KIAA1217: variants seen among roughly 807,000 people sequenced by gnomAD.
The protein encoded by KIAA1217 is KIAA1217.
Under a neutral mutation model 163.9 loss-of-function variants are expected in KIAA1217, and 88 were observed. The observed-to-expected ratio is 0.54, with a 90% CI of 0.45 to 0.64. The LOEUF (loss-of-function observed/expected upper bound fraction) is 0.64, where lower values mean the gene tolerates loss of function less well. Ranked by LOEUF, KIAA1217 falls within the 30% of genes least tolerant of loss-of-function variation. KIAA1217 has a pLI of 0.00. For missense variants in KIAA1217, 2,372 were observed against 2,475.0 expected (o/e 0.96, Z 0.88); for synonymous variants, 903 against 923.1 (o/e 0.98, Z 0.39).
At chr10:24,385,042 G>A (rs1034177195) in intron 3 of KIAA1217, among the ~76,000 whole-genome samples, 3 of 152,170 alleles carry the variant, frequency 2.0e-5, no homozygotes, top group South Asian at 2.1e-4. Context: ...CCCAGTTCCC[G>A]GCCTGTACAC....
At chr10:24,328,532 G>A (rs2045247275) in intron 2 of KIAA1217, among the ~76,000 whole-genome samples, 1 of 151,408 alleles carries the variant, frequency 6.6e-6, no homozygotes, top group Non-Finnish European at 1.5e-5. Flanking sequence ...CATAAACATT[G>A]GCTCTATGGA....
rs550264618 is a variant in KIAA1217, at chr10:24,473,588, C to G, written c.1207C>G (p.Arg403Gly). The change falls in exon 6 of 21, where the codon CGG (arginine) becomes GGG (glycine). Residue 403 changes from arginine to glycine, a missense_variant. Physicochemically the swap from Arg to Gly is moderately radical, Grantham distance 125. Around this residue, in one of 3 missense-constraint regions of KIAA1217, gnomAD observed 1,431 missense variants for 1,470.3 expected, o/e 0.97. Transcript: ENST00000376454. ...TGATCCTTACCTTTATCACGAGGGA[C>G]GGATGAGCATAGCCTCATCCCATGG... is the stretch of plus-strand genomic sequence containing the variant. ...YADPYLYHEG[R>G]MSIASSHGGH... 5 of 1,614,098 alleles carry G rather than the reference C, an allele frequency of 3.1e-6. No individual in the cohort carries two copies. The highest frequency in any genetic ancestry group is 4.2e-6 in the Non-Finnish European group (5 of 1,179,986).
intron 5 of KIAA1217, among the ~76,000 whole-genome samples, chr10:24,459,342 A>G (rs980905988): frequency 2.2e-4 from 33 of 152,352 alleles, no homozygotes; most frequent in African/African-American, 7.7e-4. Flanking sequence ...GAACCTCATT[A>G]TTCTATGAAC....
chr10:24,520,651 AATATAT>A (rs71472811), intron 11 of KIAA1217, among the ~76,000 whole-genome samples: 7 of 39,650 alleles, frequency 1.8e-4, no homozygotes, highest in African/African-American at 6.2e-4. Flanking sequence ...AAAAAAAAAA[AATATAT>A]ATATATATAT....
intron 2 of KIAA1217, among the ~76,000 whole-genome samples, chr10:24,124,487 G>A (rs1420022558): frequency 6.6e-6 from 1 of 151,974 alleles, no homozygotes. Context: ...ATGTTGAATA[G>A]AAATGTTGAT....
At chr10:24,381,925 A>G (rs7077294) in intron 3 of KIAA1217, among the ~76,000 whole-genome samples, 78,550 of 152,002 alleles carry the variant, frequency 0.52, 22,875 homozygotes, top group African/African-American at 0.8. Flanking sequence ...TCCCACTACC[A>G]CGTGAAAGGA....
At chr10:24,347,419 C>G (rs1377956515) in intron 2 of KIAA1217, among the ~76,000 whole-genome samples, 1 of 152,132 alleles carries the variant, frequency 6.6e-6, no homozygotes, top group African/African-American at 2.4e-5. Context: ...GGAGTACTTT[C>G]CTTCCTCTAC....
At chr10:23,711,159 G>A (rs1837228884) in intron 1 of KIAA1217, among the ~76,000 whole-genome samples, 2 of 152,142 alleles carry the variant, frequency 1.3e-5, no homozygotes, top group African/African-American at 4.8e-5. Flanking sequence ...TGGCAGGTTG[G>A]TTCCAGAAAG....
intron 1 of KIAA1217, among the ~76,000 whole-genome samples, chr10:23,971,206 C>T (rs1254003699): frequency 1.3e-5 from 2 of 152,178 alleles, no homozygotes; most frequent in East Asian, 1.9e-4. Context: ...TACACATGCT[C>T]TTTTGAGGCG....
chr10:23,898,649 C>A (rs1167004478), intron 1 of KIAA1217, among the ~76,000 whole-genome samples: 1 of 151,938 alleles, frequency 6.6e-6, no homozygotes, highest in Non-Finnish European at 1.5e-5. Flanking sequence ...TGTACAGTTC[C>A]ATATTGTTAA....
At chr10:23,790,718 T>C (rs1271349673) in intron 1 of KIAA1217, among the ~76,000 whole-genome samples, 5 of 147,542 alleles carry the variant, frequency 3.4e-5, no homozygotes, top group African/African-American at 1.3e-4. Context: ...TATATATGTA[T>C]GTATGTATGT....
Position 24,544,345 on chromosome 10 carries a change from C to T in KIAA1217, c.5075C>T (p.Ser1692Leu), listed in dbSNP as rs780796988. ...EMSPKALVDT[S>L]CSSNRDSVAS... ...AGTCCCAAAGCCCTAGTTGATACCT[C>T]ATGTTCTTCCAACAGAGATTCTGTT... Residue 1692 changes from serine to leucine, a missense_variant, in exon 19 of 21, where the codon TCA (serine) becomes TTA (leucine). Ser to Leu is a moderately radical substitution (Grantham distance 145). Coordinates refer to ENST00000376454, the MANE Select transcript of KIAA1217 (RefSeq NM_019590.5). The T allele has an allele frequency of 1.9e-6, 3 of 1,614,156 alleles. No homozygotes were observed. Among genetic ancestry groups the T allele is most frequent in the East Asian group, 4.5e-5 (2 of 44,880 alleles).
At chr10:24,237,094 C>G (rs1266514402) in intron 2 of KIAA1217, among the ~76,000 whole-genome samples, 1 of 152,206 alleles carries the variant, frequency 6.6e-6, no homozygotes, top group Non-Finnish European at 1.5e-5. Context: ...TTATTGAGCT[C>G]TGATTTGATT....
intron 3 of KIAA1217, among the ~76,000 whole-genome samples, chr10:24,415,711 C>T (rs2058191670): frequency 6.6e-6 from 1 of 152,102 alleles, no homozygotes; most frequent in Non-Finnish European, 1.5e-5. Flanking sequence ...GAGCACTCAT[C>T]CCCAGCCTTA....
rs562938938 is a variant in KIAA1217 at position 23,905,063 on chromosome 10, CTTTTT to C, written c.-320-102143_-320-102139del. ...ATTGGGATTCTTCTTTTCTCTTTTC[CTTTTT>C]TTTTTTTTTTTTTTTTTTAGCAGAG... On this transcript the variant is annotated intron_variant, in intron 1 of 18. Transcript: ENST00000376462. 7.0e-5 allele frequency among the ~76,000 whole-genome samples: 7 copies of C among 99,948 alleles called. 1 individual carries two copies. The highest frequency in any genetic ancestry group is 2.3e-4 in the African/African-American group (6 of 25,740). The allele number at this position is 99,948 out of a possible 152,430, so 65.6% of individuals were successfully genotyped here.
chr10:23,902,337 T>C (rs1383413525), intron 1 of KIAA1217, among the ~76,000 whole-genome samples: 1 of 151,964 alleles, frequency 6.6e-6, no homozygotes, highest in African/African-American at 2.4e-5. Context: ...CGTGGGCACA[T>C]CGAGGGGAAC....
intron 2 of KIAA1217, among the ~76,000 whole-genome samples, chr10:24,046,634 A>T (rs1220950529): frequency 1.3e-5 from 2 of 152,172 alleles, no homozygotes; most frequent in Non-Finnish European, 2.9e-5. Flanking sequence ...ACTCACTATC[A>T]CAAGAAAAAC....
At chr10:23,916,114 A>C (rs1017552155) in intron 1 of KIAA1217, among the ~76,000 whole-genome samples, 5 of 152,290 alleles carry the variant, frequency 3.3e-5, no homozygotes, top group Admixed American at 2.6e-4. Context: ...GTCCAGGTTA[A>C]TACTGTCAGA....
At chr10:24,249,898 G>A (rs924731147) in intron 2 of KIAA1217, among the ~76,000 whole-genome samples, 3 of 152,244 alleles carry the variant, frequency 2.0e-5, no homozygotes, top group African/African-American at 4.8e-5. Flanking sequence ...CTGTGAAACC[G>A]GTGGCTCATT....
Sources: allele counts gnomAD v4.1 joint callset (sites outside exome capture counted in the v4.1 genomes callset), GRCh38; gene constraint gnomAD v4.1.1; regional missense constraint gnomAD v4.1.1; transcripts MANE v1.5; gene names NCBI Gene and HGNC (gene_info 2026-07-23, HGNC 2026-07-21).